Variants in TIAM2 observed in about 807,000 individuals in gnomAD.
TIAM2 encodes rho guanine nucleotide exchange factor TIAM2.
TIAM2 carries 80 observed loss-of-function variants against 152.9 expected under a neutral mutation model. The observed-to-expected ratio is 0.52, with a 90% CI of 0.44 to 0.63. The LOEUF (loss-of-function observed/expected upper bound fraction) is 0.63, where lower values mean the gene tolerates loss of function less well. TIAM2 is among the 30% of genes least tolerant of loss of function. The probability of loss-of-function intolerance (pLI) is 0.00; values close to 1 mark genes in which losing one functional copy is unlikely to be tolerated. For missense variants in TIAM2, 1,965 were observed against 2,120.1 expected, an observed-to-expected ratio of 0.93 and a Z score of 1.44; for synonymous variants, 804 against 838.0, an observed-to-expected ratio of 0.96 and a Z score of 0.70.
chr6:155,254,217 T>G (rs370449682), intron 25 of TIAM2, 157 bp downstream of exon 25: 6 of 986,120 alleles, frequency 6.1e-6, no homozygotes, highest in Non-Finnish European at 8.9e-6. Context: ...TAGGAGACTA[T>G]GTTGATTAAA....
chr6:155,095,160 C>G (rs975098896), intron 2 of TIAM2, among the ~76,000 whole-genome samples: 68 of 152,280 alleles, frequency 4.5e-4, no homozygotes, highest in African/African-American at 1.6e-3. Flanking sequence ...GATCCCCAAT[C>G]CTCCCTAGAC....
intron 2 of TIAM2, among the ~76,000 whole-genome samples, chr6:155,123,506 T>A (rs1370754869): frequency 6.6e-6 from 1 of 152,176 alleles, no homozygotes; most frequent in Admixed American, 6.5e-5. Context: ...CAGTAGAGGA[T>A]GGGGGTCTCC....
At chr6:155,052,004 G>A (rs112945457) in intron 1 of TIAM2, among the ~76,000 whole-genome samples, 1,650 of 152,178 alleles carry the variant, frequency 0.011, 18 homozygotes, top group African/African-American at 0.025. Flanking sequence ...CTTAGCAAAC[G>A]TTTAAAATGA....
At chr6:155,042,266 G>T (rs1465894194) in intron 1 of TIAM2, among the ~76,000 whole-genome samples, 1 of 151,624 alleles carries the variant, frequency 6.6e-6, no homozygotes, top group Non-Finnish European at 1.5e-5. Flanking sequence ...CTGTCTTCCA[G>T]GGCTTGGTAA....
intron 3 of TIAM2, among the ~76,000 whole-genome samples, chr6:155,128,694 C>T (rs984313956): frequency 8.0e-6 from 1 of 125,078 alleles, no homozygotes; most frequent in Non-Finnish European, 1.6e-5. Flanking sequence ...GACCCCATAT[C>T]TTTAAAAAAA....
chr6:155,257,415 A>C lies in TIAM2; in HGVS notation c.*294A>C. ...TTCTAATAATTAAGTTATGTGGAAA[A>C]AGTAAGGCTGGGGAAGTCGTGATTA... On this transcript the variant is annotated 3_prime_UTR_variant, in exon 27 of 27. Coordinates refer to ENST00000682666, the MANE Select transcript of TIAM2 (RefSeq NM_012454.4). The C allele has an allele frequency of 2.6e-6, 1 of 377,618 alleles. No homozygotes were observed. The highest frequency in any genetic ancestry group is 4.5e-5 in the Admixed American group (1 of 22,250). 23.4% of individuals were successfully genotyped at this position (377,618 alleles called of 1,614,324 possible). A position where few individuals can be genotyped will look rare whatever the true frequency, so the allele number is the denominator to read the frequency against.
chr6:155,040,597 C>A (rs1357154993), intron 1 of TIAM2, among the ~76,000 whole-genome samples: 3 of 152,284 alleles, frequency 2.0e-5, no homozygotes, highest in African/African-American at 4.8e-5. Context: ...CGGCTCACTG[C>A]AACCTCTGCC....
rs891665000 is a variant in TIAM2 at position 155,213,037 on chromosome 6, G to T, written c.3168+1730G>T. Reference sequence around the variant, plus strand: ...GAGGGTGGCATAGCCCTGGTTCTGGGAACTCCTAGGTCTGGGCTCCCTGAA... The same window carrying T: ...GAGGGTGGCATAGCCCTGGTTCTGGTAACTCCTAGGTCTGGGCTCCCTGAA... On this transcript the variant is annotated intron_variant, in intron 15 of 26. Coordinates refer to ENST00000682666, the MANE Select transcript of TIAM2 (RefSeq NM_012454.4). The surrounding 1 kb of genome is among the most constrained non-coding windows in gnomAD (Gnocchi z 4.2). 6.6e-6 allele frequency among the ~76,000 whole-genome samples: 1 copy of T among 152,190 alleles called. No individual in the cohort carries two copies. Among genetic ancestry groups the T allele is most frequent in the African/African-American group, 2.4e-5 (1 of 41,456 alleles).
At chr6:155,187,573 C>CTTTTTTTTTTTTTTTTTTTTTTTTTTTT (rs59818801) in intron 14 of TIAM2, among the ~76,000 whole-genome samples, 6 of 49,622 alleles carry the variant, frequency 1.2e-4, no homozygotes, top group Non-Finnish European at 1.8e-4. Flanking sequence ...ACCCCGCCCC[C>CTTTTTTTTTTTTTTTTTTTTTTTTTTTT]TTTTTTTTTT....
intron 20 of TIAM2, among the ~76,000 whole-genome samples, chr6:155,248,426 C>T (rs746212385): frequency 1.2e-4 from 19 of 152,220 alleles, no homozygotes; most frequent in Non-Finnish European, 1.9e-4. Flanking sequence ...CGCCATACTC[C>T]TCCTATGCAG....
chr6:155,248,845 C>A (rs1019863100), intron 20 of TIAM2, among the ~76,000 whole-genome samples: 1 of 152,098 alleles, frequency 6.6e-6, no homozygotes, highest in African/African-American at 2.4e-5. Flanking sequence ...CCAATTAAAC[C>A]ATAGGTGATA....
chr6:155,248,019 C>T lies in TIAM2; in HGVS notation c.3672C>T (p.Phe1224=). 1 of 1,614,168 alleles carries T rather than the reference C, an allele frequency of 6.2e-7. No individual in the cohort carries two copies. The highest frequency in any genetic ancestry group is 8.5e-7 in the Non-Finnish European group (1 of 1,180,004). The part of the protein sequence containing the change: ...VLERAKTDKA[F]KAFLDARNPT... ...TTGTAGCTAAAACTGACAAAGCCTT[C>T]AAGGCTTTTCTGGACGCCCGGAACC... Residue 1224 remains phenylalanine, a synonymous_variant, in exon 20 of 27, where the codon TTC becomes TTT. Transcript: ENST00000682666.
At chr6:155,130,462 C>T in intron 4 of TIAM2, 45 bp downstream of exon 4, 1 of 1,551,324 alleles carries the variant, frequency 6.4e-7, no homozygotes, top group Non-Finnish European at 8.7e-7. Context: ...ACAGTTTCCC[C>T]ACCTGGAGAA....
chr6:155,257,179 A>C lies in TIAM2; in HGVS notation c.*58A>C. ...CATTTTACTTTTAAACTGGTGGTAA[A>C]GTGGAAATTGCAAAAAAAAAAAAAA... On this transcript the variant is annotated 3_prime_UTR_variant, in exon 27 of 27. Transcript: ENST00000682666. 1 of 1,107,360 alleles carries C rather than the reference A, an allele frequency of 9.0e-7. No individual in the cohort carries two copies. Among genetic ancestry groups the C allele is most frequent in the Middle Eastern group, 2.1e-4 (1 of 4,666 alleles). 68.6% of individuals were successfully genotyped at this position (1,107,360 alleles called of 1,614,324 possible). A position where few individuals can be genotyped will look rare whatever the true frequency, so the allele number is the denominator to read the frequency against.
intron 16 of TIAM2, among the ~76,000 whole-genome samples, chr6:155,241,565 C>T (rs1320613213): frequency 1.3e-5 from 2 of 152,172 alleles, no homozygotes; most frequent in Non-Finnish European, 2.9e-5. Context: ...TTGGCACACA[C>T]GTGCGGCTAT....
intron 1 of TIAM2, among the ~76,000 whole-genome samples, chr6:155,032,141 T>G (rs1280995204): frequency 6.6e-6 from 1 of 152,162 alleles, no homozygotes; most frequent in Admixed American, 6.6e-5. Flanking sequence ...ATGTTCAGAT[T>G]GAACAAGCTA....
intron 15 of TIAM2, among the ~76,000 whole-genome samples, chr6:155,235,460 T>C (rs997064918): frequency 6.6e-6 from 1 of 152,206 alleles, no homozygotes; most frequent in Admixed American, 6.5e-5. Flanking sequence ...CCAGCCCAGA[T>C]AATCACTATT....
intron 9 of TIAM2, chr6:155,168,916 G>A (rs1294872559): frequency 1.3e-6 from 2 of 1,532,630 alleles, no homozygotes; most frequent in African/African-American, 2.7e-5. Flanking sequence ...ACTCCAGTGA[G>A]GTAAACTTTG....
At chr6:155,068,646 C>T (rs1224850317) in intron 1 of TIAM2, among the ~76,000 whole-genome samples, 1 of 144,156 alleles carries the variant, frequency 6.9e-6, no homozygotes, top group Non-Finnish European at 1.5e-5. Flanking sequence ...TTGTAGAGAT[C>T]GGGTTTCACC....
Sources: gnomAD v4.1 joint callset for allele counts (sites outside exome capture counted in the v4.1 genomes callset) on GRCh38, gnomAD v4.1.1 for gene constraint, Gnocchi (gnomAD v3.1) non-coding constraint, MANE v1.5 for transcripts, NCBI Gene and HGNC (gene_info 2026-07-23, HGNC 2026-07-21) for gene names.